Variants in XCR1 observed in about 807,000 individuals in gnomAD.
XCR1 encodes X-C motif chemokine receptor 1.
For synonymous variants in XCR1, 187 were observed against 188.5 expected (o/e 0.99, Z 0.06); for missense variants, 356 against 424.2 (o/e 0.84, Z 1.41).
intron 4 of XCR1, among the ~76,000 whole-genome samples, chr3:46,066,347 C>A (rs1397759193): frequency 6.6e-6 from 1 of 152,146 alleles, no homozygotes; most frequent in African/African-American, 2.4e-5. Context: ...CGGGTTCAAG[C>A]GATTCTCCTG....
chr3:46,048,946 A>G (rs1479094724), intron 5 of XCR1, among the ~76,000 whole-genome samples: 1 of 152,142 alleles, frequency 6.6e-6, no homozygotes, highest in African/African-American at 2.4e-5. Context: ...TTCCTGTTTT[A>G]TGGGTTATAG....
At chr3:46,024,464 A>G in intron 1 of XCR1, among the ~76,000 whole-genome samples, 1 of 152,238 alleles carries the variant, frequency 6.6e-6, no homozygotes, top group Non-Finnish European at 1.5e-5. Context: ...ATTTTTTTCA[A>G]GCAACAGTTA....
At chr3:46,071,661 A>C (rs1262207318) in intron 3 of XCR1, among the ~76,000 whole-genome samples, 1 of 152,230 alleles carries the variant, frequency 6.6e-6, no homozygotes, top group Non-Finnish European at 1.5e-5. Flanking sequence ...CAACATATGC[A>C]AATCAATACA....
chr3:46,023,897 A>G, intron 1 of XCR1: 3 of 1,508,828 alleles, frequency 2.0e-6, no homozygotes, highest in Non-Finnish European at 2.8e-6. Flanking sequence ...TAAAGGCTGA[A>G]AAGGCCAGAC....
intron 4 of XCR1, among the ~76,000 whole-genome samples, chr3:46,059,395 A>C (rs1697919451): frequency 6.6e-6 from 1 of 152,130 alleles, no homozygotes; most frequent in Non-Finnish European, 1.5e-5. Context: ...CAGAACTTGG[A>C]GCATTGCACT....
Position 46,021,751 on chromosome 3 carries a change from G to A in XCR1, c.197C>T (p.Thr66Ile). The change falls in exon 2 of 2, where the codon ACC becomes ATC. Residue 66 changes from threonine (T) to isoleucine (I), a missense_variant. Transcript: ENST00000309285. The surrounding 1 kb of genome is among the most constrained non-coding windows in gnomAD (Gnocchi z 4.7). ...LVKYESLESL[T>I]NIFILNLCLS... ...GCACAGGTTGAGGATGAAGATGTTGGTGAGGGACTCCAGGCTCTCATACTT... is the reference window on the plus strand; with the variant it reads ...GCACAGGTTGAGGATGAAGATGTTGATGAGGGACTCCAGGCTCTCATACTT... 1 of 1,614,124 alleles carries A rather than the reference G, an allele frequency of 6.2e-7. No individual in the cohort carries two copies.
intron 1 of XCR1, among the ~76,000 whole-genome samples, chr3:46,026,298 C>A (rs1410303719): frequency 6.6e-6 from 1 of 152,080 alleles, no homozygotes; most frequent in East Asian, 1.9e-4. Context: ...ATCTCAAACC[C>A]CTCCAAGTTA....
intron 4 of XCR1, among the ~76,000 whole-genome samples, chr3:46,066,507 T>A (rs1001470046): frequency 6.6e-6 from 1 of 152,162 alleles, no homozygotes; most frequent in Non-Finnish European, 1.5e-5. Flanking sequence ...CCTCCCAAAG[T>A]GCTGCAATTA....
At chr3:46,069,564 G>A (rs1215371960) in intron 3 of XCR1, among the ~76,000 whole-genome samples, 1 of 152,030 alleles carries the variant, frequency 6.6e-6, no homozygotes, top group East Asian at 1.9e-4. Context: ...ACTATTAATA[G>A]CCTACTATTG....
chr3:46,070,676 TC>T (rs1698149283), intron 3 of XCR1, among the ~76,000 whole-genome samples: 1 of 152,210 alleles, frequency 6.6e-6, no homozygotes, highest in East Asian at 1.9e-4. Flanking sequence ...AAAGTTGAGT[TC>T]CTCGTAAGCA....
Position 46,021,430 on chromosome 3 carries a change from G to A in XCR1, c.518C>T (p.Ser173Leu), listed in dbSNP as rs78405233. 9,868 of 1,614,118 alleles carry A rather than the reference G, an allele frequency of 6.1e-3. 33 individuals carry two copies. The highest frequency in any genetic ancestry group is 7.6e-3 in the Non-Finnish European group (8,942 of 1,179,988). Residue 173 changes from serine (S) to leucine (L), a missense_variant, in exon 2 of 2, where the codon TCG becomes TTG. Transcript: ENST00000309285. The surrounding 1 kb of genome is among the most constrained non-coding windows in gnomAD (Gnocchi z 4.7). The stretch of plus-strand genomic sequence containing the variant: ...CGTGAGTTCGGAATAATCACAGCCC[G>A]AAGAAAGCACCTTGTGGAAGATGGT... The part of the protein sequence containing the change: ...LDTIFHKVLS[S>L]GCDYSELTWY...
rs144489731 is a variant in XCR1 at position 46,023,421 on chromosome 3, T to G, written c.-31-1443A>C. 1.5e-3 allele frequency: 2,240 copies of G among 1,468,242 alleles called. 27 individuals are homozygous for G. In the African/African-American group the frequency reaches 0.028, roughly 18 times the overall value. 91.0% of individuals were successfully genotyped at this position (1,468,242 alleles called of 1,614,324 possible). ...ACAAAAAGGCTGCGGCATATCTTTC[T>G]GAAGCCATGAAGCTGACACAATCTG... On this transcript the variant is annotated intron_variant, in intron 1 of 1. Coordinates refer to ENST00000309285, the MANE Select transcript of XCR1 (RefSeq NM_001024644.2).
chr3:46,056,912 C>T (rs955744588), intron 4 of XCR1, among the ~76,000 whole-genome samples: 18 of 152,060 alleles, frequency 1.2e-4, no homozygotes, highest in African/African-American at 2.7e-4. Flanking sequence ...CACAAAAGAC[C>T]GTAGCAGCTT....
At chr3:46,063,112 A>G (rs1031567947) in intron 4 of XCR1, among the ~76,000 whole-genome samples, 4 of 152,232 alleles carry the variant, frequency 2.6e-5, no homozygotes, top group African/African-American at 9.6e-5. Flanking sequence ...TTATTATCCT[A>G]GCTGCTATAG....
At chr3:46,065,894 T>C (rs1698060133) in intron 4 of XCR1, among the ~76,000 whole-genome samples, 2 of 152,196 alleles carry the variant, frequency 1.3e-5, no homozygotes, top group South Asian at 4.1e-4. Flanking sequence ...GCTTGAGGCG[T>C]CTTTGCCTGC....
chr3:46,030,439 A>AT (rs557799220), upstream of XCR1, among the ~76,000 whole-genome samples: 35 of 152,260 alleles, frequency 2.3e-4, no homozygotes, highest in South Asian at 3.1e-3. Flanking sequence ...AATACCACAG[A>AT]TTTTTTTATT....
At chr3:46,035,996 T>C (rs1433191816) in intron 5 of XCR1, among the ~76,000 whole-genome samples, 5 of 152,284 alleles carry the variant, frequency 3.3e-5, no homozygotes, top group Admixed American at 3.3e-4. Context: ...TGTTTCAATT[T>C]GGACACTCTT....
rs1050747793 is a variant in XCR1 at position 46,023,758 on chromosome 3, T to C, written c.-31-1780A>G. The C allele has an allele frequency of 3.9e-6, 6 of 1,547,990 alleles. No homozygotes were observed. In the African/African-American group the frequency reaches 8.2e-5, roughly 21 times the overall value. On this transcript the variant is annotated intron_variant, in intron 1 of 1. Transcript: ENST00000309285. ...GCAAAAGAGTGAGACAGCAGAGCCA[T>C]GTATTGGAAGCAAAGCCCCAGAAGA...
chr3:46,081,579 G>A (rs1296553629), intron 1 of XCR1, among the ~76,000 whole-genome samples: 1 of 152,106 alleles, frequency 6.6e-6, no homozygotes, highest in African/African-American at 2.4e-5. Flanking sequence ...TCTTTTTAAA[G>A]GTCTCTGATG....
Sources: gnomAD v4.1 joint callset for allele counts (sites outside exome capture counted in the v4.1 genomes callset) on GRCh38, gnomAD v4.1.1 for gene constraint, Gnocchi (gnomAD v3.1) non-coding constraint, MANE v1.5 for transcripts, NCBI Gene and HGNC (gene_info 2026-07-23, HGNC 2026-07-21) for gene names.